ABCC1: variants seen among roughly 807,000 people sequenced by gnomAD.
ABCC1 encodes the protein ATP binding cassette subfamily C member 1 (ABCC1 blood group), also known as multidrug resistance-associated protein 1.
Under a neutral mutation model 172.9 loss-of-function variants are expected in ABCC1, and 83 were observed. The ratio of observed to expected loss-of-function variants is 0.48; its 90% confidence interval spans 0.40 to 0.58. ABCC1 has a LOEUF of 0.58. ABCC1 is among the 20% of genes least tolerant of loss of function. ABCC1 has a pLI of 0.00. For missense variants in ABCC1, 1,817 were observed against 2,002.7 expected (o/e 0.91, Z 1.77); for synonymous variants, 937 against 825.2 (o/e 1.14, Z -2.32).
At chr16:15,972,555 A>G (rs965288698) in intron 1 of ABCC1, among the ~76,000 whole-genome samples, 1 of 152,204 alleles carries the variant, frequency 6.6e-6, no homozygotes. Flanking sequence ...CACCAGCCTC[A>G]TGGGTTCCTT....
At chr16:15,986,539 T>G (rs907651762) in intron 1 of ABCC1, among the ~76,000 whole-genome samples, 1 of 152,178 alleles carries the variant, frequency 6.6e-6, no homozygotes, top group Non-Finnish European at 1.5e-5. Flanking sequence ...GTGTGCTCCT[T>G]ATGAGAATCT....
intron 3 of ABCC1, 69 bp downstream of exon 3, chr16:16,009,970 G>GT (rs1256238317): frequency 8.0e-7 from 1 of 1,244,110 alleles, no homozygotes; most frequent in Non-Finnish European, 1.0e-6. Context: ...GTAATAACTC[G>GT]TAAGACTAGA....
intron 1 of ABCC1, among the ~76,000 whole-genome samples, chr16:15,975,933 T>G (rs933804404): frequency 6.6e-6 from 1 of 151,946 alleles, no homozygotes; most frequent in African/African-American, 2.4e-5. Flanking sequence ...TGGTCTTGCT[T>G]TGGGGGGAAA....
chr16:16,039,209 T>TG (rs1567337811), intron 7 of ABCC1, among the ~76,000 whole-genome samples: 48 of 137,192 alleles, frequency 3.5e-4, no homozygotes, highest in Non-Finnish European at 5.4e-4. Context: ...GAGGAAGCTT[T>TG]TGTGTGTGTG....
At chr16:16,040,783 C>G (rs551745291) in intron 7 of ABCC1, among the ~76,000 whole-genome samples, 1 of 151,442 alleles carries the variant, frequency 6.6e-6, no homozygotes, top group African/African-American at 2.4e-5. Flanking sequence ...CCACCACACC[C>G]AGCTGAGTTC....
intron 12 of ABCC1, among the ~76,000 whole-genome samples, chr16:16,064,922 A>G (rs2050057667): frequency 6.6e-6 from 1 of 152,264 alleles, no homozygotes; most frequent in Admixed American, 6.5e-5. Context: ...TAAGTGCTAT[A>G]GAAAGAAAAG....
chr16:16,031,990 A>T (rs989481526), intron 5 of ABCC1, among the ~76,000 whole-genome samples: 4 of 151,806 alleles, frequency 2.6e-5, no homozygotes, highest in Non-Finnish European at 5.9e-5. Flanking sequence ...AGTTAAATTA[A>T]ATTTTATTTT....
intron 19 of ABCC1, among the ~76,000 whole-genome samples, chr16:16,100,315 TG>T (rs1436672910): frequency 6.6e-6 from 1 of 151,960 alleles, no homozygotes; most frequent in East Asian, 1.9e-4. Context: ...ACAGGAGAAG[TG>T]AAGGCTGAGG....
At chr16:15,983,976 G>A (rs1362537976) in intron 1 of ABCC1, among the ~76,000 whole-genome samples, 1 of 152,124 alleles carries the variant, frequency 6.6e-6, no homozygotes, top group Admixed American at 6.6e-5. Flanking sequence ...CTTTTCCCTT[G>A]TTTTCTGCCT....
At position 16,004,393 on chromosome 16, in the gene ABCC1, T is replaced by C. The variant is rs114502172; in HGVS notation, c.49-3423T>C. 6.3e-3 allele frequency among the ~76,000 whole-genome samples: 959 copies of C among 152,328 alleles called. 10 individuals carry two copies. Among genetic ancestry groups the C allele is most frequent in the African/African-American group, 0.02 (838 of 41,556 alleles). On this transcript the variant is annotated intron_variant, in intron 1 of 30. Transcript: ENST00000399410. ...TTTGGAATGAGCTTTTACTGGCAAC[T>C]GCTCAGAAGCTGTTCTGTATATAAT...
rs753418703 is a variant in ABCC1, at chr16:16,071,634, C to G, written c.1825-8C>G. ...AATAACTCTCCCCTGCCATTGCTCTCTGTACAGGCGAGTGTCTCCCTCAAA... is the reference window on the plus strand; with the variant it reads ...AATAACTCTCCCCTGCCATTGCTCTGTGTACAGGCGAGTGTCTCCCTCAAA... On this transcript the variant is annotated splice_region_variant and splice_polypyrimidine_tract_variant and intron_variant, in intron 13 of 30. Transcript: ENST00000399410. 46 of 1,613,302 alleles carry G rather than the reference C, an allele frequency of 2.9e-5. No individual in the cohort carries two copies. Among genetic ancestry groups the G allele is most frequent in the Non-Finnish European group, 3.9e-5 (46 of 1,179,448 alleles).
chr16:15,986,755 C>G (rs559448624), intron 1 of ABCC1, among the ~76,000 whole-genome samples: 3 of 152,220 alleles, frequency 2.0e-5, no homozygotes, highest in African/African-American at 7.2e-5. Flanking sequence ...GTTCTGGGGA[C>G]GGGGATGTAG....
chr16:16,076,545 G>C, intron 15 of ABCC1, 144 bp downstream of exon 15: 1 of 732,352 alleles, frequency 1.4e-6, no homozygotes, highest in Non-Finnish European at 2.2e-6. Flanking sequence ...TACCCATCTG[G>C]ACAATGGGTG....
Position 16,123,206 on chromosome 16 carries a change from G to A in ABCC1, c.3590+1032G>A, listed in dbSNP as rs2152115936. On this transcript the variant is annotated intron_variant, in intron 24 of 30. Transcript: ENST00000399410. Reference sequence around the variant, plus strand: ...ATCTGGCTGTGTCTGTCGGAGTAGTGAGGATCAGTCACTTGGTTCATAAGG... The same window carrying A: ...ATCTGGCTGTGTCTGTCGGAGTAGTAAGGATCAGTCACTTGGTTCATAAGG... 1.3e-5 allele frequency among the ~76,000 whole-genome samples: 2 copies of A among 152,292 alleles called. 1 individual carries two copies. Among genetic ancestry groups the A allele is most frequent in the Middle Eastern group, 6.8e-3 (2 of 294 alleles).
At chr16:16,079,932 T>C (rs1236452088) in intron 16 of ABCC1, among the ~76,000 whole-genome samples, 1 of 151,776 alleles carries the variant, frequency 6.6e-6, no homozygotes, top group East Asian at 1.9e-4. Flanking sequence ...TCCCTCAGCC[T>C]CCCGAGTAGC....
Position 16,138,448 on chromosome 16 carries a change from C to A in ABCC1, c.4377C>A (p.Ala1459=), listed in dbSNP as rs201385399. ...TTGTGTTGGATGAGGCCACGGCAGC[C>A]GTGGACCTGGAAACGGACGACCTCA... ...KILVLDEATA[A]VDLETDDLIQ... Residue 1459 remains alanine, a synonymous_variant, in exon 30 of 31, where the codon GCC becomes GCA. Transcript: ENST00000399410. The A allele has an allele frequency of 1.2e-6, 2 of 1,613,092 alleles. No homozygotes were observed. Among genetic ancestry groups the A allele is most frequent in the Admixed American group, 3.3e-5 (2 of 59,984 alleles).
chr16:16,095,472 G>C (rs1446581413), intron 19 of ABCC1, among the ~76,000 whole-genome samples: 1 of 152,186 alleles, frequency 6.6e-6, no homozygotes, highest in Non-Finnish European at 1.5e-5. Flanking sequence ...GTAGAGGCCA[G>C]CGATGTCGCT....
rs374903523 is a variant in ABCC1 at position 15,953,753 on chromosome 16, G to C, written c.48+3954G>C. 4.2e-4 allele frequency among the ~76,000 whole-genome samples: 64 copies of C among 152,236 alleles called. No homozygotes were observed. In the South Asian group the frequency reaches 0.013, roughly 31 times the overall value. ...TTGATGTGCACCTCTGAGATGCTCT[G>C]TGGCATCCACCAACTCAGTAACCCC... On this transcript the variant is annotated intron_variant, in intron 1 of 30. Coordinates refer to ENST00000399410, the MANE Select transcript of ABCC1 (RefSeq NM_004996.4).
chr16:15,993,871 C>T (rs998258451), intron 1 of ABCC1, among the ~76,000 whole-genome samples: 3 of 152,130 alleles, frequency 2.0e-5, no homozygotes, highest in African/African-American at 4.8e-5. Context: ...ACTTGATCTC[C>T]GGCCCTGGAG....
Sources: allele counts gnomAD v4.1 joint callset (sites outside exome capture counted in the v4.1 genomes callset), GRCh38; gene constraint gnomAD v4.1.1; transcripts MANE v1.5; gene names NCBI Gene and HGNC (gene_info 2026-07-23, HGNC 2026-07-21).